The following LRRC37A2 variants were observed in gnomAD, a reference collection of about 807,000 sequenced individuals.
The protein encoded by LRRC37A2 is leucine rich repeat containing 37 member A2.
LRRC37A2 carries 9 observed loss-of-function variants against 68.8 expected under a neutral mutation model. The ratio of observed to expected loss-of-function variants is 0.13; its 90% CI spans 0.08 to 0.23. The LOEUF (loss-of-function observed/expected upper bound fraction) is 0.23. Ranked by LOEUF, LRRC37A2 falls within the 10% of genes least tolerant of loss-of-function variation. The pLI, the probability that LRRC37A2 is intolerant of heterozygous loss-of-function variation, is 1.00. For missense variants in LRRC37A2, 168 were observed against 950.4 expected, an observed-to-expected ratio of 0.18 and a Z score of 10.82; for synonymous variants, 63 against 367.6, an observed-to-expected ratio of 0.17 and a Z score of 9.48.
chr17:46,597,860 G>A, the LRRC37A2 span, among the ~76,000 whole-genome samples: 4 of 22,036 alleles, frequency 1.8e-4, no homozygotes, highest in African/African-American at 3.4e-4. Context: ...GTGCAGTGGC[G>A]CGATCTTGGC....
downstream of LRRC37A2, chr17:46,558,796 C>G (rs1240479288): frequency 7.4e-6 from 1 of 134,480 alleles, no homozygotes; most frequent in Admixed American, 7.4e-5. Context: ...AACTCACACT[C>G]CCCTATATCA....
the LRRC37A2 span, among the ~76,000 whole-genome samples, chr17:47,004,085 G>A: frequency 2.1e-3 from 314 of 152,258 alleles, no homozygotes; most frequent in East Asian, 0.011. Flanking sequence ...ATTCCATGGC[G>A]TATATGTGCC....
the LRRC37A2 span, among the ~76,000 whole-genome samples, chr17:46,758,600 A>G: frequency 2.6e-5 from 4 of 152,216 alleles, no homozygotes; most frequent in Admixed American, 2.6e-4. Context: ...AAATTTGTAC[A>G]TCTTCACTGG....
At chr17:46,837,339 C>T in the LRRC37A2 span, among the ~76,000 whole-genome samples, 1 of 152,292 alleles carries the variant, frequency 6.6e-6, no homozygotes, top group Non-Finnish European at 1.5e-5. Flanking sequence ...GGCCTGATAA[C>T]CTACTCATGG....
the LRRC37A2 span, among the ~76,000 whole-genome samples, chr17:46,633,409 AT>A: frequency 9.7e-6 from 1 of 102,664 alleles, no homozygotes. Context: ...TACCTGGCTA[AT>A]TTTTTAATTT....
chr17:46,908,498 G>T, the LRRC37A2 span, among the ~76,000 whole-genome samples: 1 of 152,148 alleles, frequency 6.6e-6, no homozygotes, highest in Non-Finnish European at 1.5e-5. Context: ...GGCTGGATGT[G>T]GAAGAGAGAA....
chr17:46,805,610 C>T, the LRRC37A2 span, among the ~76,000 whole-genome samples: 1 of 151,932 alleles, frequency 6.6e-6, no homozygotes, highest in Non-Finnish European at 1.5e-5. Context: ...AAAAATTAGC[C>T]ACATATGGTG....
chr17:46,725,852 A>G, the LRRC37A2 span, among the ~76,000 whole-genome samples: 1 of 152,146 alleles, frequency 6.6e-6, no homozygotes, highest in East Asian at 1.9e-4. Flanking sequence ...CTTCATTTCC[A>G]AAAAGGCTAG....
the LRRC37A2 span, among the ~76,000 whole-genome samples, chr17:46,851,079 T>C: frequency 6.6e-6 from 1 of 152,234 alleles, no homozygotes; most frequent in Non-Finnish European, 1.5e-5. The surrounding 1 kb of genome is among the most constrained non-coding windows in gnomAD (Gnocchi z 4.3). Context: ...AGAGCGGTTC[T>C]GCACCAGGAC....
the LRRC37A2 span, among the ~76,000 whole-genome samples, chr17:46,896,438 G>T: frequency 2.9e-5 from 3 of 102,806 alleles, no homozygotes; most frequent in African/African-American, 2.4e-4. Context: ...AAGAAAGAAA[G>T]AAAGAAAGAA....
At chr17:46,950,296 C>T in the LRRC37A2 span, among the ~76,000 whole-genome samples, 1 of 152,120 alleles carries the variant, frequency 6.6e-6, no homozygotes, top group Non-Finnish European at 1.5e-5. Flanking sequence ...GACTCTCTGC[C>T]TCTTGTAGGT....
chr17:46,876,830 A>C, the LRRC37A2 span: 2 of 1,437,454 alleles, frequency 1.4e-6, no homozygotes, highest in Non-Finnish European at 1.8e-6. Flanking sequence ...ATAAACCGGC[A>C]TGTGTGCCAA....
At chr17:46,533,020 T>C (rs2053944926) in intron 6 of LRRC37A2, among the ~76,000 whole-genome samples, 2 of 121,162 alleles carry the variant, frequency 1.7e-5, no homozygotes, top group Non-Finnish European at 1.7e-5. Context: ...GGAGGATCAC[T>C]TGAGCCCGGG....
the LRRC37A2 span, among the ~76,000 whole-genome samples, chr17:46,971,455 G>A: frequency 6.6e-6 from 1 of 152,178 alleles, no homozygotes; most frequent in South Asian, 2.1e-4. Context: ...CTCCTCCAGT[G>A]CTGGGTTAGG....
the LRRC37A2 span, among the ~76,000 whole-genome samples, chr17:46,817,945 C>T: frequency 6.6e-6 from 1 of 152,102 alleles, no homozygotes; most frequent in Non-Finnish European, 1.5e-5. Flanking sequence ...CAAGATGAAT[C>T]TAGAGCGGTG....
the LRRC37A2 span, among the ~76,000 whole-genome samples, chr17:46,867,236 T>C: frequency 6.6e-6 from 1 of 152,216 alleles, no homozygotes; most frequent in Non-Finnish European, 1.5e-5. Flanking sequence ...TGGCACATGG[T>C]AGATGCTCAC....
At chr17:46,940,515 G>C in the LRRC37A2 span, 2 of 1,613,898 alleles carry the variant, frequency 1.2e-6, no homozygotes, top group Non-Finnish European at 1.7e-6. Flanking sequence ...CCATAAAATG[G>C]ATTCTGAGAC....
At chr17:46,626,061 A>T in the LRRC37A2 span, among the ~76,000 whole-genome samples, 53 of 146,526 alleles carry the variant, frequency 3.6e-4, no homozygotes, top group African/African-American at 1.4e-3. Flanking sequence ...TAAAACAGTA[A>T]ATATTGATAT....
the LRRC37A2 span, among the ~76,000 whole-genome samples, chr17:46,731,754 A>G: frequency 6.6e-6 from 1 of 152,220 alleles, no homozygotes; most frequent in Non-Finnish European, 1.5e-5. Flanking sequence ...TCTGAAGGGA[A>G]TACCATCTGG....
Sources: allele counts gnomAD v4.1 joint callset (sites outside exome capture counted in the v4.1 genomes callset), GRCh38; gene constraint gnomAD v4.1.1; non-coding constraint Gnocchi (gnomAD v3.1); transcripts MANE v1.5; gene names NCBI Gene and HGNC (gene_info 2026-07-23, HGNC 2026-07-21).